Variants in PKHD1 observed in about 807,000 individuals in gnomAD.
PKHD1 encodes PKHD1 ciliary IPT domain containing fibrocystin/polyductin, also known as fibrocystin.
A neutral mutation model predicts 412.0 loss-of-function variants in PKHD1; 291 were observed. The ratio of observed to expected loss-of-function variants is 0.71; its 90% confidence interval spans 0.64 to 0.78. PKHD1 has a LOEUF of 0.78. PKHD1 is among the 30% of genes least tolerant of loss of function. The pLI, the probability that PKHD1 is intolerant of heterozygous loss-of-function variation, is 0.00. For missense variants in PKHD1, 4,825 were observed against 4,950.7 expected (o/e 0.97, Z 0.76); for synonymous variants, 1,777 against 1,821.5 (o/e 0.98, Z 0.62).
At chr6:51,710,991 T>C (rs1780592027) in intron 60 of PKHD1, among the ~76,000 whole-genome samples, 1 of 152,304 alleles carries the variant, frequency 6.6e-6, no homozygotes, top group Admixed American at 6.5e-5. Flanking sequence ...TCTCATCTTT[T>C]ACTTTAGCCA....
chr6:51,986,864 C>T (rs1796279012), intron 35 of PKHD1, among the ~76,000 whole-genome samples: 1 of 152,208 alleles, frequency 6.6e-6, no homozygotes, highest in African/African-American at 2.4e-5. Flanking sequence ...TGGCCTTTAT[C>T]CAACAAATAG....
Position 52,017,520 on chromosome 6 carries a change from C to G in PKHD1, c.5490G>C (p.Leu1830=). ...DLTVAMATEQ[L]LESWPYLYIC... Reference sequence around the variant, plus strand: ...TGTAGAGGTAAGGCCACGATTCAAGCAGTTGCTCTGTCGCCATGGCAACTG... The same window carrying G: ...TGTAGAGGTAAGGCCACGATTCAAGGAGTTGCTCTGTCGCCATGGCAACTG... The change falls in exon 34 of 67, where the codon CTG becomes CTC. Residue 1830 remains leucine (L), a synonymous_variant. Transcript: ENST00000371117. 1 of 1,614,034 alleles carries G rather than the reference C, an allele frequency of 6.2e-7. No individual in the cohort carries two copies. Among genetic ancestry groups the G allele is most frequent in the Middle Eastern group, 1.6e-4 (1 of 6,062 alleles).
At chr6:51,677,176 G>A (rs1775983205) in intron 60 of PKHD1, among the ~76,000 whole-genome samples, 1 of 152,112 alleles carries the variant, frequency 6.6e-6, no homozygotes, top group South Asian at 2.1e-4. Context: ...AAGTTCATTA[G>A]ATTGAAGAAG....
chr6:51,753,159 G>T, intron 57 of PKHD1, 42 bp downstream of exon 57: 1 of 1,573,864 alleles, frequency 6.4e-7, no homozygotes, highest in Non-Finnish European at 8.7e-7. Context: ...CAGATGAATA[G>T]GCTCCAACTG....
intron 43 of PKHD1, among the ~76,000 whole-genome samples, chr6:51,888,221 T>C (rs1778511643): frequency 6.6e-6 from 1 of 152,236 alleles, no homozygotes; most frequent in Admixed American, 6.5e-5. Flanking sequence ...CGCCTTGATA[T>C]TTCTTTATAG....
chr6:51,712,217 A>G (rs1011753903), intron 60 of PKHD1, among the ~76,000 whole-genome samples: 10 of 152,144 alleles, frequency 6.6e-5, no homozygotes, highest in African/African-American at 9.7e-5. Context: ...CCCAAATTTC[A>G]AAAGTTCAGA....
chr6:52,010,581 T>C (rs1446902108), intron 34 of PKHD1, 122 bp from the exon 35 acceptor site: 1 of 844,030 alleles, frequency 1.2e-6, no homozygotes, highest in Non-Finnish European at 1.9e-6. Flanking sequence ...ATTTGTCAAA[T>C]TTTGCAAATT....
chr6:51,943,390 C>T (rs181618311), intron 36 of PKHD1, among the ~76,000 whole-genome samples: 13 of 150,330 alleles, frequency 8.6e-5, no homozygotes, highest in African/African-American at 3.2e-4. Context: ...TGCATCCCTT[C>T]CACCAAAAAA....
chr6:51,713,852 T>G (rs1780929999), intron 60 of PKHD1, among the ~76,000 whole-genome samples: 1 of 152,174 alleles, frequency 6.6e-6, no homozygotes, highest in South Asian at 2.1e-4. Flanking sequence ...GGTCTACAGT[T>G]GGCCAGGTAT....
At chr6:52,032,835 T>C (rs1803267829) in intron 29 of PKHD1, among the ~76,000 whole-genome samples, 195 bp downstream of exon 29, 1 of 152,182 alleles carries the variant, frequency 6.6e-6, no homozygotes, top group African/African-American at 2.4e-5. Flanking sequence ...ATCTGTACAA[T>C]GGTTCCATTT....
chr6:51,803,315 G>C (rs1395744715), intron 52 of PKHD1, among the ~76,000 whole-genome samples: 1 of 150,920 alleles, frequency 6.6e-6, no homozygotes, highest in East Asian at 1.9e-4. Context: ...TCTTGCTTGG[G>C]GTTTCCAAAA....
At chr6:52,033,519 T>C (rs763450002) in intron 28 of PKHD1, among the ~76,000 whole-genome samples, 16 of 152,110 alleles carry the variant, frequency 1.1e-4, no homozygotes, top group Non-Finnish European at 2.2e-4. Context: ...CTAGCTAAAC[T>C]ATCCATCAAG....
At chr6:51,954,151 A>T (rs1790778473) in intron 36 of PKHD1, among the ~76,000 whole-genome samples, 1 of 152,070 alleles carries the variant, frequency 6.6e-6, no homozygotes, top group South Asian at 2.1e-4. Flanking sequence ...ACTAGCATTA[A>T]TTGAGTTCTT....
chr6:51,834,449 G>A (rs62464081), intron 51 of PKHD1, among the ~76,000 whole-genome samples: 53 of 151,868 alleles, frequency 3.5e-4, no homozygotes, highest in African/African-American at 8.0e-4. Flanking sequence ...TACTCATATC[G>A]GTTAACACAT....
chr6:52,039,706 G>A lies in PKHD1; in HGVS notation c.3097+3153C>T, dbSNP rs539455364. ...TGGAAACAGTTTGGCAATCCTTCAAGAAGTTAAACATGGAGTTACCATATG... is the reference window on the plus strand; with the variant it reads ...TGGAAACAGTTTGGCAATCCTTCAAAAAGTTAAACATGGAGTTACCATATG... On this transcript the variant is annotated intron_variant, in intron 27 of 66. Coordinates refer to ENST00000371117, the MANE Select transcript of PKHD1 (RefSeq NM_138694.4). 3.9e-5 allele frequency among the ~76,000 whole-genome samples: 6 copies of A among 152,270 alleles called. No homozygotes were observed. In the East Asian group the frequency reaches 1.2e-3, roughly 29 times the overall value.
intron 37 of PKHD1, among the ~76,000 whole-genome samples, chr6:51,922,937 T>C (rs1477150945): frequency 6.6e-6 from 1 of 152,166 alleles, no homozygotes; most frequent in Non-Finnish European, 1.5e-5. Flanking sequence ...TCACACTCCA[T>C]GGGCTGCATC....
chr6:51,646,165 T>C (rs1042717708), intron 63 of PKHD1, among the ~76,000 whole-genome samples: 1 of 152,194 alleles, frequency 6.6e-6, no homozygotes, highest in Non-Finnish European at 1.5e-5. Flanking sequence ...CAGGTTGACA[T>C]AAAATGAATT....
In PKHD1 at chr6:52,048,579, C is replaced by G; in HGVS notation, c.2320G>C (p.Val774Leu). Residue 774 changes from valine (V) to leucine (L), a missense_variant, in exon 23 of 67, where the codon GTC becomes CTC. Coordinates refer to ENST00000371117, the MANE Select transcript of PKHD1 (RefSeq NM_138694.4). ...TGTCGTCTCTGTGTCGTCACCAGGA[C>G]CAGTCCAGATCCCTCTTCTGTTCCT... ...TEGTEEGSGL[V>L]LVTTQRRQRT... is the part of the protein sequence containing the mutation. The G allele has an allele frequency of 2.5e-6, 4 of 1,614,136 alleles. No individual in the cohort carries two copies. Among genetic ancestry groups the G allele is most frequent in the Non-Finnish European group, 3.4e-6 (4 of 1,179,978 alleles).
chr6:51,828,403 C>T (rs1238692974), intron 52 of PKHD1, among the ~76,000 whole-genome samples: 1 of 152,032 alleles, frequency 6.6e-6, no homozygotes, highest in Non-Finnish European at 1.5e-5. Context: ...TTGTAAAATA[C>T]TTAGTATGGT....
Sources: gnomAD v4.1 joint callset for allele counts (sites outside exome capture counted in the v4.1 genomes callset) on GRCh38, gnomAD v4.1.1 for gene constraint, MANE v1.5 for transcripts, NCBI Gene and HGNC (gene_info 2026-07-23, HGNC 2026-07-21) for gene names.